Variants in GNAT3 observed in about 807,000 individuals in gnomAD.
GNAT3 encodes the protein guanine nucleotide-binding protein G(t) subunit alpha-3.
GNAT3 carries 31 observed loss-of-function variants against 37.7 expected under a neutral mutation model. The ratio of observed to expected loss-of-function variants is 0.82; its 90% confidence interval spans 0.62 to 1.11. The LOEUF is 1.11. Ranked by LOEUF, GNAT3 falls within the 50% of genes most tolerant of loss-of-function variation. The pLI, the probability that GNAT3 is intolerant of heterozygous loss-of-function variation, is 0.00. For missense variants in GNAT3, 437 were observed against 412.5 expected (o/e 1.06, Z -0.51); for synonymous variants, 138 against 139.8 (o/e 0.99, Z 0.09).
At chr7:80,490,846 G>A (rs1302713272) in intron 2 of GNAT3, among the ~76,000 whole-genome samples, 1 of 152,118 alleles carries the variant, frequency 6.6e-6, no homozygotes, top group East Asian at 1.9e-4. Context: ...CATGATCTTA[G>A]CCATGATGCT....
At chr7:80,471,089 A>G (rs941030536) in intron 5 of GNAT3, among the ~76,000 whole-genome samples, 2 of 150,196 alleles carry the variant, frequency 1.3e-5, no homozygotes, top group African/African-American at 4.9e-5. Flanking sequence ...CCCAGCCTAC[A>G]TCTTTCTATC....
chr7:80,476,086 A>G (rs1353771231), intron 4 of GNAT3, among the ~76,000 whole-genome samples: 1 of 152,048 alleles, frequency 6.6e-6, no homozygotes, highest in East Asian at 1.9e-4. Flanking sequence ...GTAAAAAGAA[A>G]ACAAAAAAAA....
chr7:80,485,066 C>T (rs1181141004), intron 3 of GNAT3, among the ~76,000 whole-genome samples: 1 of 152,026 alleles, frequency 6.6e-6, no homozygotes, highest in Admixed American at 6.6e-5. Context: ...CTTTGGAACA[C>T]TTCTCTTGAA....
intron 1 of GNAT3, among the ~76,000 whole-genome samples, chr7:80,498,142 A>G (rs1365553284): frequency 6.6e-6 from 1 of 152,186 alleles, no homozygotes; most frequent in Non-Finnish European, 1.5e-5. Context: ...TGTGTCAGTT[A>G]ATGTACATTC....
rs376535280 is a variant in GNAT3 at position 80,462,064 on chromosome 7, C to T, written c.874+95G>A. The T allele has an allele frequency of 1.5e-4, 118 of 784,488 alleles. 2 individuals are homozygous for T. The East Asian group carries it at 1.7e-3, about 11-fold the overall frequency. The allele number at this position is 784,488 out of a possible 1,614,324, so 48.6% of individuals were successfully genotyped here. On this transcript the variant is annotated intron_variant, in intron 7 of 7. Transcript: ENST00000398291. ...AGATAACTCAAAAATGATCATAAGC[C>T]TCATCCTCATAAGTATTAAATGTCA... is the stretch of plus-strand genomic sequence containing the variant.
intron 3 of GNAT3, 66 bp from the exon 4 acceptor site, chr7:80,479,064 G>C (rs1010872579): frequency 2.7e-6 from 3 of 1,104,794 alleles, no homozygotes; most frequent in East Asian, 2.6e-5. Context: ...TTTTCTAATA[G>C]AGTAATTTAC....
chr7:80,494,644 G>T lies in GNAT3; in HGVS notation c.122C>A (p.Ala41Glu). The stretch of plus-strand genomic sequence containing the variant: ...AATAGTACTTTTCCCAGATTCTCCT[G>T]CTCCTGCAACATAAAAAGAGGAATA... The part of the protein sequence containing the change: ...ARTVKLLLLG[A>E]GESGKSTIVK... The change falls in exon 2 of 8, where the codon GCA becomes GAA. Residue 41 changes from alanine to glutamate, a missense_variant. Ala to Glu is a moderately radical substitution (Grantham distance 107). Coordinates refer to ENST00000398291, the MANE Select transcript of GNAT3 (RefSeq NM_001102386.3). The T allele has an allele frequency of 6.6e-7, 1 of 1,514,196 alleles. No individual in the cohort carries two copies. Among genetic ancestry groups the T allele is most frequent in the Non-Finnish European group, 9.1e-7 (1 of 1,103,506 alleles). 93.8% of individuals were successfully genotyped at this position (1,514,196 alleles called of 1,614,324 possible).
chr7:80,479,604 G>T (rs933651110), intron 3 of GNAT3, among the ~76,000 whole-genome samples: 11 of 151,610 alleles, frequency 7.3e-5, no homozygotes, highest in African/African-American at 2.4e-4. Flanking sequence ...CCAGCTACTT[G>T]GGAGGCTGAG....
chr7:80,497,627 T>TGC (rs1790753078), intron 1 of GNAT3, among the ~76,000 whole-genome samples: 1 of 111,926 alleles, frequency 8.9e-6, no homozygotes, highest in Non-Finnish European at 1.7e-5. Context: ...TATACGTATA[T>TGC]ACATATACGT....
intron 1 of GNAT3, among the ~76,000 whole-genome samples, chr7:80,504,319 AAG>A (rs1233863833): frequency 1.3e-5 from 2 of 152,092 alleles, no homozygotes; most frequent in African/African-American, 4.8e-5. Context: ...TTTAAAAAAA[AAG>A]AGAGAGAAAA....
intron 1 of GNAT3, among the ~76,000 whole-genome samples, chr7:80,501,434 A>G (rs1412657689): frequency 3.9e-5 from 6 of 151,984 alleles, no homozygotes; most frequent in African/African-American, 1.4e-4. Flanking sequence ...GAATAAGACA[A>G]TTTTTCTACA....
At chr7:80,493,980 T>C (rs1011540730) in intron 2 of GNAT3, among the ~76,000 whole-genome samples, 1 of 152,170 alleles carries the variant, frequency 6.6e-6, no homozygotes, top group South Asian at 2.1e-4. Context: ...CTTCTTCTTT[T>C]ACTTCTTTTT....
At chr7:80,497,668 A>ATG (rs1427623548) in intron 1 of GNAT3, among the ~76,000 whole-genome samples, 3 of 105,460 alleles carry the variant, frequency 2.8e-5, no homozygotes, top group African/African-American at 2.1e-4. Flanking sequence ...ATATACGTAT[A>ATG]TACATACATA....
At chr7:80,462,104 A>AAT in intron 7 of GNAT3, 55 bp downstream of exon 7, 1 of 1,108,696 alleles carries the variant, frequency 9.0e-7, no homozygotes, top group Non-Finnish European at 1.3e-6. Context: ...CCAGATAGGA[A>AAT]ATATATATTT....
intron 5 of GNAT3, among the ~76,000 whole-genome samples, chr7:80,470,760 T>A (rs1790200819): frequency 6.6e-6 from 1 of 152,164 alleles, no homozygotes; most frequent in Non-Finnish European, 1.5e-5. Context: ...AAAGGGGGTC[T>A]GGAGGTCTAA....
At chr7:80,474,412 A>G in intron 4 of GNAT3, 33 bp from the exon 5 acceptor site, 1 of 1,046,220 alleles carries the variant, frequency 9.6e-7, no homozygotes, top group Non-Finnish European at 1.4e-6. Context: ...ATATATGTGT[A>G]TATATAATAC....
chr7:80,466,030 G>T (rs1192611730), intron 5 of GNAT3, among the ~76,000 whole-genome samples: 6 of 152,026 alleles, frequency 3.9e-5, no homozygotes, highest in Admixed American at 1.3e-4. Flanking sequence ...CACCCACGGG[G>T]TTTTTAACCC....
chr7:80,471,014 C>T (rs188384540), intron 5 of GNAT3, among the ~76,000 whole-genome samples: 32 of 149,864 alleles, frequency 2.1e-4, no homozygotes, highest in Admixed American at 4.0e-4. Flanking sequence ...ACAAGCTAAT[C>T]GGCTGCCAGC....
chr7:80,480,588 C>T (rs996934432), intron 3 of GNAT3, among the ~76,000 whole-genome samples: 4 of 152,026 alleles, frequency 2.6e-5, no homozygotes, highest in Non-Finnish European at 5.9e-5. Flanking sequence ...AGAGCAGCCC[C>T]GAGGGCTGCT....
Sources: allele counts gnomAD v4.1 joint callset (sites outside exome capture counted in the v4.1 genomes callset), GRCh38; gene constraint gnomAD v4.1.1; transcripts MANE v1.5; gene names NCBI Gene and HGNC (gene_info 2026-07-23, HGNC 2026-07-21).